The following ADCY3 variants were observed in gnomAD, a reference collection of about 807,000 sequenced individuals.
ADCY3 encodes adenylate cyclase 3.
A neutral mutation model predicts 119.4 loss-of-function variants in ADCY3; 70 were observed. The observed-to-expected ratio is 0.59, with a 90% confidence interval of 0.48 to 0.72. The LOEUF is 0.72. Ranked by LOEUF, ADCY3 falls within the 30% of genes least tolerant of loss-of-function variation. The pLI, the probability that ADCY3 is intolerant of heterozygous loss-of-function variation, is 0.00. For missense variants in ADCY3, 1,238 were observed against 1,541.6 expected, an observed-to-expected ratio of 0.80 and a Z score of 3.30; for synonymous variants, 672 against 621.4, an observed-to-expected ratio of 1.08 and a Z score of -1.21.
intron 2 of ADCY3, among the ~76,000 whole-genome samples, chr2:24,890,322 C>T (rs1677519971): frequency 1.3e-5 from 2 of 152,142 alleles, no homozygotes; most frequent in South Asian, 4.2e-4. Flanking sequence ...GATATCAGGG[C>T]AATATTGAAT....
chr2:24,855,525 A>G (rs1171320602), intron 3 of ADCY3, among the ~76,000 whole-genome samples: 1 of 152,210 alleles, frequency 6.6e-6, no homozygotes, highest in Non-Finnish European at 1.5e-5. Flanking sequence ...GTGGTTCTGC[A>G]CAGAGAAGAA....
intron 2 of ADCY3, among the ~76,000 whole-genome samples, chr2:24,897,863 T>A (rs1291648022): frequency 6.6e-6 from 1 of 152,064 alleles, no homozygotes; most frequent in Non-Finnish European, 1.5e-5. Flanking sequence ...TCCCGCCACG[T>A]TCAGGCAGGT....
At chr2:24,895,263 G>T (rs188348361) in intron 2 of ADCY3, among the ~76,000 whole-genome samples, 194 of 145,034 alleles carry the variant, frequency 1.3e-3, no homozygotes, top group Non-Finnish European at 9.8e-4. Flanking sequence ...GCTAATTTTT[G>T]TATTTTTAGG....
At chr2:24,864,902 T>C (rs1674097218) in intron 3 of ADCY3, among the ~76,000 whole-genome samples, 1 of 152,228 alleles carries the variant, frequency 6.6e-6, no homozygotes, top group Non-Finnish European at 1.5e-5. Flanking sequence ...ATTTTTAAAA[T>C]GCAAATGTCC....
chr2:24,851,744 T>G (rs1672316939), intron 3 of ADCY3, among the ~76,000 whole-genome samples: 1 of 152,184 alleles, frequency 6.6e-6, no homozygotes, highest in South Asian at 2.1e-4. Flanking sequence ...GGCTTAAAAC[T>G]TCTACTTATC....
rs1671212461 is a variant in ADCY3, at chr2:24,842,908, C to T, written c.826-524G>A. 6.6e-6 allele frequency among the ~76,000 whole-genome samples: 1 copy of T among 152,334 alleles called. No homozygotes were observed. Among genetic ancestry groups the T allele is most frequent in the East Asian group, 1.9e-4 (1 of 5,176 alleles). On this transcript the variant is annotated intron_variant, in intron 3 of 21. Transcript: ENST00000679454. The surrounding 1 kb of genome is among the most constrained non-coding windows in gnomAD (Gnocchi z 4.9). Reference sequence around the variant, plus strand: ...AGGGTCTCACGGGGACACAGGTAACCATGCCCAGCACAGCGCAGCATGGCA... The same window carrying T: ...AGGGTCTCACGGGGACACAGGTAACTATGCCCAGCACAGCGCAGCATGGCA...
chr2:24,821,085 G>T, intron 20 of ADCY3: 1 of 554,622 alleles, frequency 1.8e-6, no homozygotes, highest in South Asian at 2.3e-5. Flanking sequence ...GCATGGTAGT[G>T]GCCAGCTTCT....
At chr2:24,906,789 T>C (rs141374953) in intron 2 of ADCY3, among the ~76,000 whole-genome samples, 6 of 152,360 alleles carry the variant, frequency 3.9e-5, no homozygotes, top group Admixed American at 2.0e-4. Context: ...AAGGTCCACC[T>C]ACCATAAGCA....
At chr2:24,862,116 C>G (rs1673732509) in intron 3 of ADCY3, among the ~76,000 whole-genome samples, 1 of 152,180 alleles carries the variant, frequency 6.6e-6, no homozygotes, top group Non-Finnish European at 1.5e-5. Context: ...TCCCCAACCC[C>G]CAGTACAGAC....
intron 3 of ADCY3, among the ~76,000 whole-genome samples, chr2:24,846,758 T>C (rs750680061): frequency 2.6e-5 from 4 of 152,078 alleles, no homozygotes; most frequent in Non-Finnish European, 5.9e-5. Context: ...TTTGTATTTT[T>C]AGTAGAGACA....
intron 3 of ADCY3, among the ~76,000 whole-genome samples, chr2:24,849,854 C>T (rs1052320460): frequency 3.3e-5 from 5 of 152,182 alleles, no homozygotes; most frequent in African/African-American, 9.7e-5. Flanking sequence ...GAATGTGTCT[C>T]CCAGGTGCCG....
intron 3 of ADCY3, among the ~76,000 whole-genome samples, chr2:24,868,176 C>T (rs1319676649): frequency 6.6e-6 from 1 of 152,092 alleles, no homozygotes; most frequent in African/African-American, 2.4e-5. Flanking sequence ...TAAACAAATC[C>T]TCAAATGTTT....
rs549171451 is a variant in ADCY3, at chr2:24,875,761, TCTC to T, written c.676-3045_676-3043del. 1.2e-3 allele frequency among the ~76,000 whole-genome samples: 189 copies of T among 152,270 alleles called. 1 individual carries two copies. The highest frequency in any genetic ancestry group is 4.3e-3 in the African/African-American group (180 of 41,542). Reference sequence around the variant, plus strand: ...ACAAGCACGCACTTTATCAGCCTCATCTCCTCTAACTTTACAACCAGTGCTGAG... The same window carrying T: ...ACAAGCACGCACTTTATCAGCCTCATCTCTAACTTTACAACCAGTGCTGAG... On this transcript the variant is annotated intron_variant, in intron 2 of 21. Transcript: ENST00000679454.
At position 24,918,457 on chromosome 2, in the gene ADCY3, G is replaced by A; in HGVS notation, c.531C>T (p.Phe177=). ...DTVGWQVFFV[F]SFFITLPLSL... ...TGAGGGGCAGCGTGATGAAGAAGGAGAAGACAAAGAAGACCTGCCAGCCCA... is the reference window on the plus strand; with the variant it reads ...TGAGGGGCAGCGTGATGAAGAAGGAAAAGACAAAGAAGACCTGCCAGCCCA... The change falls in exon 2 of 22, where the codon TTC becomes TTT. Residue 177 remains phenylalanine (F), a synonymous_variant. Transcript: ENST00000679454. The surrounding 1 kb of genome is among the most constrained non-coding windows in gnomAD (Gnocchi z 5.4). The A allele has an allele frequency of 6.2e-7, 1 of 1,614,082 alleles. No homozygotes were observed.
chr2:24,827,689 G>T, intron 14 of ADCY3, 81 bp from the exon 15 acceptor site: 2 of 1,477,760 alleles, frequency 1.4e-6, no homozygotes, highest in Non-Finnish European at 9.3e-7. Flanking sequence ...GGTATCCCAA[G>T]TCCTCCACTC....
At chr2:24,904,927 C>A (rs1283258102) in intron 2 of ADCY3, among the ~76,000 whole-genome samples, 1 of 152,066 alleles carries the variant, frequency 6.6e-6, no homozygotes, top group Non-Finnish European at 1.5e-5. Context: ...AGATGTGAGC[C>A]AATGCGACTG....
intron 2 of ADCY3, among the ~76,000 whole-genome samples, chr2:24,902,619 C>T (rs74473735): frequency 3.2e-4 from 49 of 152,276 alleles, no homozygotes; most frequent in African/African-American, 1.1e-3. Context: ...TCTTTCACCT[C>T]GGCAACCCCT....
chr2:24,829,396 G>T (rs1460952589), intron 13 of ADCY3, among the ~76,000 whole-genome samples: 4 of 137,552 alleles, frequency 2.9e-5, no homozygotes, highest in African/African-American at 8.2e-5. Context: ...CATGTTGGTT[G>T]TATTTGTGTG....
intron 3 of ADCY3, among the ~76,000 whole-genome samples, chr2:24,843,145 GGAGGTAAAAACAGAAACATGGCTT>G (rs1254479690): frequency 6.6e-6 from 1 of 152,232 alleles, no homozygotes; most frequent in Non-Finnish European, 1.5e-5. Flanking sequence ...GGATTTCTGT[GGAGGTAAAAACAGAAACATGGCTT>G]GAGAGCTGGG....
Sources: gnomAD v4.1 joint callset for allele counts (sites outside exome capture counted in the v4.1 genomes callset) on GRCh38, gnomAD v4.1.1 for gene constraint, Gnocchi (gnomAD v3.1) non-coding constraint, MANE v1.5 for transcripts, NCBI Gene and HGNC (gene_info 2026-07-23, HGNC 2026-07-21) for gene names.